Variants in SLC35F2 observed in about 807,000 individuals in gnomAD.
SLC35F2 encodes queuine/queuosine transporter SLC35F2.
A neutral mutation model predicts 38.1 loss-of-function variants in SLC35F2; 25 were observed. The observed-to-expected ratio is 0.66, with a 90% CI of 0.48 to 0.92. The LOEUF (loss-of-function observed/expected upper bound fraction) is 0.92, where lower values mean the gene tolerates loss of function less well. Among genes scored for constraint, SLC35F2 ranks in the 40% least tolerant of loss-of-function variants. SLC35F2 has a pLI of 0.00. For synonymous variants in SLC35F2, 173 were observed against 181.7 expected (o/e 0.95, Z 0.38); for missense variants, 409 against 452.9 (o/e 0.90, Z 0.88).
Position 107,791,712 on chromosome 11 carries a change from C to T in SLC35F2, c.*903G>A, listed in dbSNP as rs1185599394. ...AACATGGCGAAACCCCATCTCTCTACAAAAACAAACAAAACAGGCCTGGCA... is the reference window on the plus strand; with the variant it reads ...AACATGGCGAAACCCCATCTCTCTATAAAAACAAACAAAACAGGCCTGGCA... On this transcript the variant is annotated 3_prime_UTR_variant, in exon 8 of 8. Transcript: ENST00000525815. The T allele has an allele frequency of 1.3e-5, 2 of 151,792 alleles. No homozygotes were observed. Among genetic ancestry groups the T allele is most frequent in the African/African-American group, 4.8e-5 (2 of 41,256 alleles). The allele number at this position is 151,792 out of a possible 1,614,324, so 9.4% of individuals were successfully genotyped here. A position where few individuals can be genotyped will look rare whatever the true frequency, so the allele number is the denominator to read the frequency against.
chr11:107,798,814 C>A (rs1859261043), intron 7 of SLC35F2, among the ~76,000 whole-genome samples: 1 of 152,148 alleles, frequency 6.6e-6, no homozygotes, highest in Non-Finnish European at 1.5e-5. Flanking sequence ...GTGGCTCATG[C>A]CCTGTGGTCC....
At chr11:107,839,632 T>C (rs576796178) in intron 1 of SLC35F2, among the ~76,000 whole-genome samples, 4 of 152,212 alleles carry the variant, frequency 2.6e-5, no homozygotes, top group Non-Finnish European at 4.4e-5. Context: ...CTGGCTTTCA[T>C]TGGCTGAAAG....
chr11:107,825,545 T>C (rs1324018363), intron 1 of SLC35F2, among the ~76,000 whole-genome samples: 1 of 151,974 alleles, frequency 6.6e-6, no homozygotes, highest in Non-Finnish European at 1.5e-5. Context: ...CTTATTTTTG[T>C]AGTTTTAGTA....
chr11:107,821,498 A>G (rs969205206), intron 1 of SLC35F2: 1 of 985,320 alleles, frequency 1.0e-6, no homozygotes, highest in African/African-American at 1.7e-5. Flanking sequence ...AAAGGAAGAA[A>G]GAAGACAAGA....
At chr11:107,855,390 C>T (rs1361842950) in intron 1 of SLC35F2, among the ~76,000 whole-genome samples, 1 of 152,172 alleles carries the variant, frequency 6.6e-6, no homozygotes, top group Non-Finnish European at 1.5e-5. Context: ...GTGTGGCTCA[C>T]ACCTGTAATC....
At chr11:107,801,558 G>T in intron 7 of SLC35F2, among the ~76,000 whole-genome samples, 1 of 151,418 alleles carries the variant, frequency 6.6e-6, no homozygotes, top group African/African-American at 2.4e-5. Context: ...TAAATGACTG[G>T]GGTTCCCAAT....
At chr11:107,810,751 C>A (rs975605813) in intron 3 of SLC35F2, 3 of 979,026 alleles carry the variant, frequency 3.1e-6, no homozygotes, top group Non-Finnish European at 3.6e-6. Context: ...ATGGTAGTAA[C>A]ATTTAATGTA....
At chr11:107,845,101 T>A (rs554109141) in intron 1 of SLC35F2, among the ~76,000 whole-genome samples, 2 of 152,148 alleles carry the variant, frequency 1.3e-5, no homozygotes, top group Non-Finnish European at 2.9e-5. Context: ...ATTTCTTGCT[T>A]CATATCACAG....
intron 1 of SLC35F2, among the ~76,000 whole-genome samples, chr11:107,836,909 C>G (rs1205457287): frequency 2.0e-5 from 3 of 152,138 alleles, no homozygotes; most frequent in African/African-American, 7.2e-5. Context: ...TATTTACATT[C>G]ATCTCAGCGA....
chr11:107,803,041 A>C lies in SLC35F2; in HGVS notation c.899T>G (p.Leu300Arg). ...SVNLGILTADLYSLFVGLFLF... is the reference protein window; with the variant it reads ...SVNLGILTADRYSLFVGLFLF... ...AAAGAGTCCAACAAAAAGGCTGTAG[A>C]GGTCCGCTGTCAGGATGCCCAGGTT... The change falls in exon 7 of 8, where the codon CTC (leucine) becomes CGC (arginine). Residue 300 changes from leucine to arginine, a missense_variant. Leu to Arg is a moderately radical substitution (Grantham distance 102). Transcript: ENST00000525815. The C allele has an allele frequency of 1.2e-6, 2 of 1,613,962 alleles. No homozygotes were observed. Among genetic ancestry groups the C allele is most frequent in the Non-Finnish European group, 1.7e-6 (2 of 1,179,948 alleles).
At chr11:107,835,089 A>G (rs1859909554) in intron 1 of SLC35F2, among the ~76,000 whole-genome samples, 1 of 152,246 alleles carries the variant, frequency 6.6e-6, no homozygotes, top group East Asian at 1.9e-4. Flanking sequence ...GGTGCTAGTT[A>G]AAGAGGCCAA....
chr11:107,794,682 TA>T (rs1859190606), intron 7 of SLC35F2, among the ~76,000 whole-genome samples: 1 of 152,108 alleles, frequency 6.6e-6, no homozygotes, highest in Non-Finnish European at 1.5e-5. Flanking sequence ...CTATTCAACA[TA>T]GTACTGGAAG....
At chr11:107,794,509 AT>A (rs374127729) in intron 7 of SLC35F2, among the ~76,000 whole-genome samples, 1 of 152,136 alleles carries the variant, frequency 6.6e-6, no homozygotes, top group East Asian at 1.9e-4. Context: ...CCAGGGCCTT[AT>A]TTTTCCTTTC....
chr11:107,814,150 C>G (rs146824720), intron 2 of SLC35F2, among the ~76,000 whole-genome samples: 157 of 152,166 alleles, frequency 1.0e-3, no homozygotes, highest in Non-Finnish European at 1.9e-3. Flanking sequence ...ACCTTCAAAC[C>G]CCTTTACAAC....
Position 107,815,905 on chromosome 11 carries a change from G to A in SLC35F2, c.171C>T (p.Ala57=), listed in dbSNP as rs1248591519. Residue 57 remains alanine, a synonymous_variant, in exon 2 of 8, where the codon GCC becomes GCT. Coordinates refer to ENST00000525815, the MANE Select transcript of SLC35F2 (RefSeq NM_017515.5). ...TTTCTGCCAAATACTGGCTGGTGAT[G>A]GCTGTCCCACATATACACAAGGACA... is the stretch of plus-strand genomic sequence containing the variant. ...QMLSLCICGT[A]ITSQYLAERY... 1 of 1,613,946 alleles carries A rather than the reference G, an allele frequency of 6.2e-7. No individual in the cohort carries two copies. The highest frequency in any genetic ancestry group is 1.7e-5 in the Admixed American group (1 of 59,962).
At chr11:107,824,312 AT>A (rs1210636993) in intron 1 of SLC35F2, among the ~76,000 whole-genome samples, 16 of 152,240 alleles carry the variant, frequency 1.1e-4, no homozygotes, top group Non-Finnish European at 2.1e-4. Context: ...ATGCACTATT[AT>A]GAAGATGGCA....
intron 1 of SLC35F2, among the ~76,000 whole-genome samples, chr11:107,846,205 T>C (rs544853157): frequency 2.0e-4 from 26 of 132,916 alleles, no homozygotes; most frequent in African/African-American, 5.4e-4. Context: ...AGAGATATGA[T>C]TGGTAACAGA....
chr11:107,833,275 A>G (rs1031814275), intron 1 of SLC35F2, among the ~76,000 whole-genome samples: 1 of 152,108 alleles, frequency 6.6e-6, no homozygotes, highest in Non-Finnish European at 1.5e-5. Context: ...TAATCCCAGC[A>G]CTTTGGGAGG....
rs774559935 is a variant in SLC35F2, at chr11:107,802,978, T to C, written c.939+23A>G. ...TTTGGATCCAAGCAAGTATTCTTAT[T>C]TGAACGTGATCTATTTGTTTACCTT... is the stretch of plus-strand genomic sequence containing the variant. On this transcript the variant is annotated intron_variant, in intron 7 of 7. Transcript: ENST00000525815. 1.9e-6 allele frequency: 3 copies of C among 1,579,688 alleles called. No individual in the cohort carries two copies. In the East Asian group the frequency reaches 6.9e-5, roughly 36 times the overall value.
Sources: allele counts gnomAD v4.1 joint callset (sites outside exome capture counted in the v4.1 genomes callset), GRCh38; gene constraint gnomAD v4.1.1; transcripts MANE v1.5; gene names NCBI Gene and HGNC (gene_info 2026-07-23, HGNC 2026-07-21).